MCTP1: variants seen among roughly 807,000 people sequenced by gnomAD.
MCTP1 encodes the protein multiple C2 and transmembrane domain-containing protein 1.
MCTP1 carries 69 observed loss-of-function variants against 120.6 expected under a neutral mutation model. That is an observed-to-expected ratio of 0.57 (90% CI 0.47 to 0.70). MCTP1 has a LOEUF of 0.70. MCTP1 is among the 30% of genes least tolerant of loss of function. The pLI is 0.00. For synonymous variants in MCTP1, 529 were observed against 493.1 expected, an observed-to-expected ratio of 1.07 and a Z score of -0.96; for missense variants, 1,203 against 1,248.8, an observed-to-expected ratio of 0.96 and a Z score of 0.55.
At chr5:95,269,040 C>T (rs957831493) in intron 1 of MCTP1, among the ~76,000 whole-genome samples, 1 of 152,256 alleles carries the variant, frequency 6.6e-6, no homozygotes, top group Middle Eastern at 3.4e-3. Flanking sequence ...TGAGAAATGT[C>T]CTCATTTTTT....
At position 94,703,985 on chromosome 5, in the gene MCTP1, CCAAAAAAAA is replaced by C. The variant is rs1455361810; in HGVS notation, c.*3502_*3510del. On this transcript the variant is annotated 3_prime_UTR_variant, in exon 23 of 23. Transcript: ENST00000515393. ...GAGGTACCAGAGGGTAACATTTTCACCAAAAAAAAAAGAAAAAAAAATGTTTTGTTTTCT... is the reference window on the plus strand; with the variant it reads ...GAGGTACCAGAGGGTAACATTTTCACAAGAAAAAAAAATGTTTTGTTTTCT... 1 of 111,946 alleles carries C rather than the reference CCAAAAAAAA, an allele frequency of 8.9e-6. No homozygotes were observed. The highest frequency in any genetic ancestry group is 3.4e-5 in the African/African-American group (1 of 29,760). The allele number at this position is 111,946 out of a possible 1,614,324, so 6.9% of individuals were successfully genotyped here. A position where few individuals can be genotyped will look rare whatever the true frequency, so the allele number is the denominator to read the frequency against.
intron 2 of MCTP1, among the ~76,000 whole-genome samples, chr5:94,984,795 G>T (rs967631832): frequency 6.6e-6 from 1 of 151,786 alleles, no homozygotes; most frequent in Non-Finnish European, 1.5e-5. Context: ...TTAATATAAA[G>T]GTAAATCACC....
intron 1 of MCTP1, among the ~76,000 whole-genome samples, chr5:95,179,785 GT>G (rs1306813560): frequency 6.6e-6 from 1 of 151,980 alleles, no homozygotes; most frequent in African/African-American, 2.4e-5. Context: ...AATAAACAAG[GT>G]ATTCAGGCAA....
chr5:95,166,917 CTTT>C (rs386404479), intron 1 of MCTP1, among the ~76,000 whole-genome samples: 9 of 137,844 alleles, frequency 6.5e-5, no homozygotes, highest in African/African-American at 2.4e-4. Context: ...CCTTTCTATT[CTTT>C]TTTTTTTTTT....
At chr5:95,102,509 G>C (rs1756809884) in intron 1 of MCTP1, among the ~76,000 whole-genome samples, 1 of 152,228 alleles carries the variant, frequency 6.6e-6, no homozygotes, top group Non-Finnish European at 1.5e-5. Flanking sequence ...GATTACCACA[G>C]TACCAGGCAT....
intron 17 of MCTP1, among the ~76,000 whole-genome samples, chr5:94,838,617 T>C (rs1200463539): frequency 6.6e-6 from 1 of 152,220 alleles, no homozygotes; most frequent in Non-Finnish European, 1.5e-5. Flanking sequence ...CTTAAGTCTT[T>C]ACCCATTTGA....
intron 2 of MCTP1, among the ~76,000 whole-genome samples, chr5:95,014,019 G>C (rs1836570749): frequency 6.6e-6 from 1 of 151,862 alleles, no homozygotes; most frequent in Admixed American, 6.6e-5. Context: ...TCAGCAACTT[G>C]GGAGTCCAAA....
In MCTP1 at chr5:95,048,317, T is replaced by C. The variant is rs933477159; in HGVS notation, c.721-30833A>G. On this transcript the variant is annotated intron_variant, in intron 1 of 22. Coordinates refer to ENST00000515393, the MANE Select transcript of MCTP1 (RefSeq NM_024717.7). ...AGAAGTGTATTTTTGACTGACTTAATATTTTACCAGAACTTGCACCCCATG... is the reference window on the plus strand; with the variant it reads ...AGAAGTGTATTTTTGACTGACTTAACATTTTACCAGAACTTGCACCCCATG... 2.6e-5 allele frequency among the ~76,000 whole-genome samples: 4 copies of C among 152,198 alleles called. No individual in the cohort carries two copies. In the East Asian group the frequency reaches 7.7e-4, roughly 29 times the overall value.
chr5:94,715,388 A>C (rs74964681), intron 19 of MCTP1, among the ~76,000 whole-genome samples: 2 of 133,052 alleles, frequency 1.5e-5, no homozygotes, highest in African/African-American at 2.7e-5. Flanking sequence ...AAAAAAAAAA[A>C]ACACCACCAC....
chr5:95,187,425 A>G (rs1020130806), intron 1 of MCTP1, among the ~76,000 whole-genome samples: 2 of 152,242 alleles, frequency 1.3e-5, no homozygotes, highest in African/African-American at 4.8e-5. Flanking sequence ...TTTGAGATGG[A>G]GTCTTGCTCT....
At chr5:94,992,606 G>T (rs1831809672) in intron 2 of MCTP1, among the ~76,000 whole-genome samples, 1 of 152,168 alleles carries the variant, frequency 6.6e-6, no homozygotes, top group Non-Finnish European at 1.5e-5. Context: ...TTTGGCCCAT[G>T]CATAGGCCAG....
At chr5:95,051,302 G>A (rs1294542253) in intron 1 of MCTP1, among the ~76,000 whole-genome samples, 3 of 152,096 alleles carry the variant, frequency 2.0e-5, no homozygotes, top group African/African-American at 7.2e-5. Flanking sequence ...CAGGCCCGAA[G>A]CTCTGCACCT....
intron 1 of MCTP1, among the ~76,000 whole-genome samples, chr5:95,053,419 G>C (rs982832936): frequency 3.3e-5 from 5 of 152,104 alleles, no homozygotes; most frequent in Non-Finnish European, 5.9e-5. Flanking sequence ...TTGGATAGCG[G>C]GGAGGAGTGT....
intron 2 of MCTP1, among the ~76,000 whole-genome samples, chr5:94,960,134 A>C (rs1823763049): frequency 6.6e-6 from 1 of 152,178 alleles, no homozygotes; most frequent in Non-Finnish European, 1.5e-5. Flanking sequence ...CAACCATCTG[A>C]TCCTTGAGAA....
chr5:95,087,809 T>C (rs768511376), intron 1 of MCTP1, among the ~76,000 whole-genome samples: 1 of 152,128 alleles, frequency 6.6e-6, no homozygotes, highest in Admixed American at 6.5e-5. Flanking sequence ...AGCTTGCCCT[T>C]CTGATTCCAT....
At chr5:94,790,451 C>T (rs969235606) in intron 18 of MCTP1, among the ~76,000 whole-genome samples, 1 of 152,164 alleles carries the variant, frequency 6.6e-6, no homozygotes, top group African/African-American at 2.4e-5. Context: ...GCTGACTTGG[C>T]TCCAGTGCTA....
At position 94,707,504 on chromosome 5, in the gene MCTP1, G is replaced by C. The variant is rs768467284; in HGVS notation, c.2992C>G (p.Leu998Val). 1.9e-6 allele frequency: 3 copies of C among 1,611,290 alleles called. No individual in the cohort carries two copies. The East Asian group carries it at 6.7e-5, about 36-fold the overall frequency. ...HSPYKRKKNN[L>V]G The stretch of plus-strand genomic sequence containing the variant: ...TCAGTGCTGGGAGCTGGCTAGCCAA[G>C]ATTGTTTTTCTTTCTTTTATATGGG... Residue 998 changes from leucine to valine, a missense_variant, in exon 23 of 23, where the codon CTT becomes GTT. By Grantham distance (32) the Leu-to-Val change is conservative. Around this residue, in one of 2 missense-constraint regions of MCTP1, gnomAD observed 740 missense variants for 871.1 expected, o/e 0.85. Coordinates refer to ENST00000515393, the MANE Select transcript of MCTP1 (RefSeq NM_024717.7).
chr5:94,911,142 G>T (rs949844676), intron 9 of MCTP1, among the ~76,000 whole-genome samples: 7 of 152,176 alleles, frequency 4.6e-5, no homozygotes, highest in African/African-American at 1.4e-4. Flanking sequence ...TCCTGGGCTG[G>T]AAGGGACCTA....
chr5:94,970,544 C>T (rs941557013), intron 2 of MCTP1, among the ~76,000 whole-genome samples: 1 of 151,974 alleles, frequency 6.6e-6, no homozygotes, highest in Non-Finnish European at 1.5e-5. Context: ...GCAACTACAA[C>T]AACTATCCTA....
Sources: allele counts gnomAD v4.1 joint callset (sites outside exome capture counted in the v4.1 genomes callset), GRCh38; gene constraint gnomAD v4.1.1; regional missense constraint gnomAD v4.1.1; transcripts MANE v1.5; gene names NCBI Gene and HGNC (gene_info 2026-07-23, HGNC 2026-07-21).